Variants in SH3D19 observed in about 807,000 individuals in gnomAD.
SH3D19 encodes the protein SH3 domain containing 19, also known as SH3 domain-containing protein 19.
A neutral mutation model predicts 112.1 loss-of-function variants in SH3D19; 58 were observed. The observed-to-expected ratio is 0.52, with a 90% CI of 0.42 to 0.64. The LOEUF (loss-of-function observed/expected upper bound fraction) is 0.64, where lower values mean the gene tolerates loss of function less well. Among genes scored for constraint, SH3D19 ranks in the 30% least tolerant of loss-of-function variants. The pLI is 0.00. For synonymous variants in SH3D19, 391 were observed against 448.5 expected, an observed-to-expected ratio of 0.87 and a Z score of 1.62; for missense variants, 1,090 against 1,263.4, an observed-to-expected ratio of 0.86 and a Z score of 2.08.
chr4:151,296,785 C>G (rs530739466), intron 1 of SH3D19, among the ~76,000 whole-genome samples: 1 of 152,112 alleles, frequency 6.6e-6, no homozygotes, highest in African/African-American at 2.4e-5. Flanking sequence ...ATCCTATGAG[C>G]AATTTTTTTC....
chr4:151,313,540 C>G (rs1054233885), intron 1 of SH3D19, among the ~76,000 whole-genome samples: 24 of 152,124 alleles, frequency 1.6e-4, no homozygotes, highest in African/African-American at 5.8e-4. Flanking sequence ...CCTCACTCTC[C>G]TGAGTAGCTG....
chr4:151,221,383 A>C (rs923000657), intron 2 of SH3D19, among the ~76,000 whole-genome samples: 1 of 152,170 alleles, frequency 6.6e-6, no homozygotes, highest in Non-Finnish European at 1.5e-5. Flanking sequence ...AATCTGCTTG[A>C]TGCACTGCTG....
At chr4:151,272,780 A>C (rs2149998672) in intron 1 of SH3D19, among the ~76,000 whole-genome samples, 1 of 85,616 alleles carries the variant, frequency 1.2e-5, no homozygotes, top group Middle Eastern at 6.0e-3. Flanking sequence ...TTTTTTTAAC[A>C]AGGATACTTC....
At chr4:151,312,498 T>C (rs1729552778) in intron 1 of SH3D19, among the ~76,000 whole-genome samples, 1 of 152,234 alleles carries the variant, frequency 6.6e-6, no homozygotes, top group Non-Finnish European at 1.5e-5. Flanking sequence ...TCTGATGTCC[T>C]GCCAAGAGTT....
chr4:151,213,716 T>A (rs1189730525), intron 2 of SH3D19, among the ~76,000 whole-genome samples: 12 of 148,536 alleles, frequency 8.1e-5, no homozygotes, highest in Admixed American at 8.0e-4. Flanking sequence ...CAGGGTCTTG[T>A]TCTGTTGCCC....
chr4:151,199,498 A>G (rs1378754687), intron 2 of SH3D19, among the ~76,000 whole-genome samples: 1 of 152,152 alleles, frequency 6.6e-6, no homozygotes, highest in Non-Finnish European at 1.5e-5. Context: ...CAAGGTTCCA[A>G]ATAGTCTCAA....
chr4:151,176,395 G>T, intron 6 of SH3D19, 139 bp downstream of exon 6: 1 of 565,582 alleles, frequency 1.8e-6, no homozygotes, highest in Non-Finnish European at 2.6e-6. Context: ...AATAAAGCAA[G>T]CACACAGTGA....
At chr4:151,325,144 G>A (rs1730924424) in intron 1 of SH3D19, 97 bp downstream of exon 1, 1 of 591,322 alleles carries the variant, frequency 1.7e-6, no homozygotes, top group Non-Finnish European at 2.4e-6. Flanking sequence ...GTCCCATCCC[G>A]GCGCGTGAAG....
rs572433366 is a variant in SH3D19, at chr4:151,176,896, C to T, written c.296G>A (p.Gly99Glu). ...EPLRPASWFP[G>E]TPPPGLGFPT... ...AAATCCCAGTCCTGGGGGTGGGGTT[C>T]CTGGAAACCACGAGGCTGGCCTCAG... is the stretch of plus-strand genomic sequence containing the variant. Residue 99 changes from glycine to glutamate, a missense_variant, in exon 5 of 20, where the codon GGA becomes GAA. Transcript: ENST00000604030. The T allele has an allele frequency of 2.4e-6, 3 of 1,232,202 alleles. No homozygotes were observed. The South Asian group carries it at 1.2e-4, about 51-fold the overall frequency. 76.3% of individuals were successfully genotyped at this position (1,232,202 alleles called of 1,614,324 possible). A position where few individuals can be genotyped will look rare whatever the true frequency, so the allele number is the denominator to read the frequency against.
intron 1 of SH3D19, among the ~76,000 whole-genome samples, chr4:151,257,068 T>C (rs1466896834): frequency 4.0e-5 from 5 of 124,918 alleles, no homozygotes; most frequent in Non-Finnish European, 6.7e-5. Context: ...TTTCTTCTTA[T>C]TTATTTATTT....
chr4:151,198,819 A>G, intron 2 of SH3D19, among the ~76,000 whole-genome samples: 1 of 152,224 alleles, frequency 6.6e-6, no homozygotes, highest in East Asian at 1.9e-4. Context: ...AGTTACTGTT[A>G]TAAAGCTGAA....
chr4:151,196,018 C>T (rs1458070306), intron 2 of SH3D19, among the ~76,000 whole-genome samples: 1 of 151,842 alleles, frequency 6.6e-6, no homozygotes, highest in Non-Finnish European at 1.5e-5. Context: ...TCCCTTCGGA[C>T]ACTTCCTTAT....
At chr4:151,292,232 G>A (rs939480102) in intron 1 of SH3D19, among the ~76,000 whole-genome samples, 30 of 151,880 alleles carry the variant, frequency 2.0e-4, no homozygotes, top group African/African-American at 6.8e-4. Context: ...CCAGGAGTTC[G>A]AGGCTGCAGT....
intron 7 of SH3D19, 100 bp downstream of exon 7, chr4:151,174,570 C>T (rs1579959914): frequency 2.7e-6 from 3 of 1,106,944 alleles, no homozygotes; most frequent in Non-Finnish European, 2.5e-6. Flanking sequence ...TGTATACACA[C>T]ACCTCAATAA....
intron 1 of SH3D19, among the ~76,000 whole-genome samples, chr4:151,276,437 C>T (rs1773631013): frequency 6.6e-6 from 1 of 152,128 alleles, no homozygotes; most frequent in Admixed American, 6.5e-5. Context: ...AGCCACCTCA[C>T]CCAAGGTAAT....
At chr4:151,297,718 A>G (rs1250471198) in intron 1 of SH3D19, among the ~76,000 whole-genome samples, 1 of 152,240 alleles carries the variant, frequency 6.6e-6, no homozygotes, top group Admixed American at 6.5e-5. Flanking sequence ...AGAGAAATCA[A>G]ATGGTAGGCT....
intron 1 of SH3D19, among the ~76,000 whole-genome samples, chr4:151,247,142 A>T (rs1042425278): frequency 6.6e-6 from 1 of 152,184 alleles, no homozygotes; most frequent in Non-Finnish European, 1.5e-5. Context: ...TAAAATTTTT[A>T]TAATTTTTCT....
At chr4:151,143,002 C>T (rs1379066285) in intron 12 of SH3D19, among the ~76,000 whole-genome samples, 2 of 152,104 alleles carry the variant, frequency 1.3e-5, no homozygotes, top group Admixed American at 6.6e-5. Context: ...CTTTGGGAGG[C>T]CCATGCAGGC....
intron 12 of SH3D19, 25 bp from the exon 13 acceptor site, chr4:151,139,872 A>G (rs1209073756): frequency 6.2e-7 from 1 of 1,611,348 alleles, no homozygotes; most frequent in Non-Finnish European, 8.5e-7. Context: ...AGGGCTGTGA[A>G]TGAAGTGTGC....
Sources: gnomAD v4.1 joint callset for allele counts (sites outside exome capture counted in the v4.1 genomes callset) on GRCh38, gnomAD v4.1.1 for gene constraint, MANE v1.5 for transcripts, NCBI Gene and HGNC (gene_info 2026-07-23, HGNC 2026-07-21) for gene names.